Variants in TRIP4 observed in about 807,000 individuals in gnomAD.
TRIP4 encodes thyroid hormone receptor interactor 4.
In TRIP4, 54 loss-of-function variants were observed where a neutral mutation model predicts 81.8. The observed-to-expected ratio is 0.66, with a 90% confidence interval of 0.53 to 0.83. The LOEUF (loss-of-function observed/expected upper bound fraction) is 0.83, where lower values mean the gene tolerates loss of function less well. Ranked by LOEUF, TRIP4 falls within the 40% of genes least tolerant of loss-of-function variation. The pLI is 0.00. For synonymous variants in TRIP4, 270 were observed against 242.8 expected (o/e 1.11, Z -1.04); for missense variants, 662 against 683.6 (o/e 0.97, Z 0.35).
At chr15:64,436,866 A>G (rs1596358561) in intron 11 of TRIP4, among the ~76,000 whole-genome samples, 1 of 124,484 alleles carries the variant, frequency 8.0e-6, no homozygotes, top group East Asian at 2.8e-4. Context: ...GTGCCACCAC[A>G]CCCAGCTAAT....
intron 3 of TRIP4, among the ~76,000 whole-genome samples, 181 bp from the exon 4 acceptor site, chr15:64,397,425 G>C (rs1900325997): frequency 6.6e-6 from 1 of 152,168 alleles, no homozygotes; most frequent in Admixed American, 6.5e-5. Context: ...AGTTTTTCTA[G>C]AGTATAACCT....
chr15:64,419,235 C>T (rs1891953519), intron 9 of TRIP4, among the ~76,000 whole-genome samples: 1 of 152,102 alleles, frequency 6.6e-6, no homozygotes, highest in Admixed American at 6.6e-5. Context: ...TTACAAAATG[C>T]TTTTCTACAA....
At chr15:64,442,546 A>G (rs1167784346) in intron 11 of TRIP4, among the ~76,000 whole-genome samples, 1 of 151,820 alleles carries the variant, frequency 6.6e-6, no homozygotes, top group Non-Finnish European at 1.5e-5. Flanking sequence ...GGGCCTCCCA[A>G]AGTGCTGGGA....
At chr15:64,414,780 G>A (rs1196017554) in intron 8 of TRIP4, among the ~76,000 whole-genome samples, 1 of 151,958 alleles carries the variant, frequency 6.6e-6, no homozygotes, top group Admixed American at 6.6e-5. Flanking sequence ...ACCTCCCAAA[G>A]TGCCCAGCTA....
Position 64,418,692 on chromosome 15 carries a change from A to T in TRIP4, c.1322A>T (p.Gln441Leu), listed in dbSNP as rs760360342. The T allele has an allele frequency of 9.9e-6, 16 of 1,613,748 alleles. No individual in the cohort carries two copies. The Admixed American group carries it at 2.3e-4, about 24-fold the overall frequency. Residue 441 changes from glutamine (Q) to leucine (L), a missense_variant, in exon 9 of 13, where the codon CAG (glutamine) becomes CTG (leucine). Gln to Leu is a moderately radical substitution (Grantham distance 113). Transcript: ENST00000261884. The part of the protein sequence containing the change: ...FDGGWCLSVH[Q>L]PWASLLVRGI... The stretch of plus-strand genomic sequence containing the variant: ...GGTGGCTGGTGCCTCTCTGTACATC[A>T]GCCCTGGGCTTCTCTGCTTGTCAGA...
At chr15:64,439,157 C>T (rs1468672858) in intron 11 of TRIP4, among the ~76,000 whole-genome samples, 1 of 152,144 alleles carries the variant, frequency 6.6e-6, no homozygotes, top group Non-Finnish European at 1.5e-5. Context: ...CGTTTATCTT[C>T]CAGTAGAGTG....
In TRIP4 at chr15:64,393,948, A is replaced by G. The variant is rs1162955205; in HGVS notation, c.104A>G (p.Tyr35Cys). 1 of 1,578,870 alleles carries G rather than the reference A, an allele frequency of 6.3e-7. No individual in the cohort carries two copies. The highest frequency in any genetic ancestry group is 8.6e-7 in the Non-Finnish European group (1 of 1,165,166). ...GLDVSEEIIQ[Y>C]VLSIESAEEI... ...AACTTATATCTTTGCCTCCTGAGGT[A>G]CGTTTTGTCAATTGAGAGTGCTGAA... Residue 35 changes from tyrosine to cysteine, a missense_variant and splice_region_variant, in exon 2 of 13, where the codon TAC becomes TGC. By Grantham distance (194) the Tyr-to-Cys change is radical (BLOSUM62 -2). Coordinates refer to ENST00000261884, the MANE Select transcript of TRIP4 (RefSeq NM_016213.5).
intron 1 of TRIP4, among the ~76,000 whole-genome samples, chr15:64,389,537 C>A (rs1024135031): frequency 6.6e-6 from 1 of 151,990 alleles, no homozygotes; most frequent in Non-Finnish European, 1.5e-5. Flanking sequence ...CAAAACAAAA[C>A]AGCGAAATCT....
Position 64,455,079 on chromosome 15 carries a change from A to T in TRIP4, c.*15A>T. The T allele has an allele frequency of 6.2e-7, 1 of 1,613,444 alleles. No homozygotes were observed. The highest frequency in any genetic ancestry group is 8.5e-7 in the Non-Finnish European group (1 of 1,179,448). ...AAGCTGTCTGACCCAGGAGAAAAGG[A>T]ACTATACAGCATAGTGGAGTTTTGT... On this transcript the variant is annotated 3_prime_UTR_variant, in exon 13 of 13. Coordinates refer to ENST00000261884, the MANE Select transcript of TRIP4 (RefSeq NM_016213.5).
intron 11 of TRIP4, among the ~76,000 whole-genome samples, chr15:64,441,339 C>G (rs1159483809): frequency 6.6e-6 from 1 of 152,026 alleles, no homozygotes; most frequent in Non-Finnish European, 1.5e-5. Context: ...TGATTGCCTG[C>G]TGTGAACTAG....
At chr15:64,392,007 G>A (rs1002061029) in intron 1 of TRIP4, among the ~76,000 whole-genome samples, 3 of 144,110 alleles carry the variant, frequency 2.1e-5, no homozygotes, top group African/African-American at 2.6e-5. Context: ...CAGGTGCAGC[G>A]GCTCAGCCTG....
chr15:64,420,992 A>G (rs554310409), intron 9 of TRIP4, among the ~76,000 whole-genome samples: 2 of 152,138 alleles, frequency 1.3e-5, no homozygotes, highest in African/African-American at 4.8e-5. Context: ...GCAATGGAAC[A>G]CATGTACAAC....
At chr15:64,396,989 C>T (rs572991663) in intron 3 of TRIP4, among the ~76,000 whole-genome samples, 9 of 152,216 alleles carry the variant, frequency 5.9e-5, no homozygotes, top group East Asian at 1.9e-4. Context: ...ATTATTTTGA[C>T]GACTAATGAA....
At chr15:64,400,708 G>A (rs1263513292) in intron 4 of TRIP4, 35 bp from the exon 5 acceptor site, 3 of 1,533,238 alleles carry the variant, frequency 2.0e-6, no homozygotes, top group South Asian at 1.1e-5. Flanking sequence ...TAATTTAACT[G>A]TTGGATCACA....
At chr15:64,393,270 C>T (rs934734944) in intron 1 of TRIP4, 3 of 151,210 alleles carry the variant, frequency 2.0e-5, no homozygotes, top group African/African-American at 7.3e-5. Context: ...CTGCCTCAGC[C>T]TCCCGAGTAG....
chr15:64,432,367 G>A (rs866399902), intron 11 of TRIP4, among the ~76,000 whole-genome samples: 40 of 151,774 alleles, frequency 2.6e-4, no homozygotes, highest in Non-Finnish European at 3.7e-4. Flanking sequence ...TAATCCCACC[G>A]CTTTGGGAGA....
Position 64,409,749 on chromosome 15 carries a change from C to G in TRIP4, c.964C>G (p.Leu322Val). The G allele has an allele frequency of 6.2e-7, 1 of 1,614,100 alleles. No individual in the cohort carries two copies. The highest frequency in any genetic ancestry group is 8.5e-7 in the Non-Finnish European group (1 of 1,180,030). The change falls in exon 7 of 13, where the codon CTT (leucine) becomes GTT (valine). Residue 322 changes from leucine (L) to valine (V), a missense_variant. Physicochemically the swap from Leu to Val is conservative, Grantham distance 32 (BLOSUM62 1). Transcript: ENST00000261884. ...ELRELRHASR[L>V]SKKVTIDFAG... ...GAGAGAACTTCGACACGCCTCTCGA[C>G]TTTCTAAGAAGGTCACCATTGACTT...
chr15:64,413,878 G>A (rs1374448751), intron 7 of TRIP4, among the ~76,000 whole-genome samples: 2 of 152,194 alleles, frequency 1.3e-5, no homozygotes, highest in Non-Finnish European at 2.9e-5. Context: ...GAGCCACTGT[G>A]CCTGGCCATT....
chr15:64,445,546 G>A (rs1223837057), intron 12 of TRIP4, among the ~76,000 whole-genome samples: 2 of 151,232 alleles, frequency 1.3e-5, no homozygotes, highest in Non-Finnish European at 2.9e-5. Flanking sequence ...TGTAGCGCCT[G>A]TAGTCTCAGC....
Sources: allele counts gnomAD v4.1 joint callset (sites outside exome capture counted in the v4.1 genomes callset), GRCh38; gene constraint gnomAD v4.1.1; transcripts MANE v1.5; gene names NCBI Gene and HGNC (gene_info 2026-07-23, HGNC 2026-07-21).